TEAD1: variants seen among roughly 807,000 people sequenced by gnomAD.
The protein encoded by TEAD1 is transcriptional enhancer factor TEF-1.
TEAD1 carries 9 observed loss-of-function variants against 54.9 expected under a neutral mutation model. That is an observed-to-expected ratio of 0.16 (90% confidence interval 0.10 to 0.29). The LOEUF is 0.29. Among genes scored for constraint, TEAD1 ranks in the 10% least tolerant of loss-of-function variants. The pLI, the probability that TEAD1 is intolerant of heterozygous loss-of-function variation, is 1.00. For missense variants in TEAD1, 387 were observed against 535.9 expected (o/e 0.72, Z 2.74); for synonymous variants, 200 against 187.8 (o/e 1.07, Z -0.53).
intron 4 of TEAD1, among the ~76,000 whole-genome samples, chr11:12,863,513 A>C (rs1216917545): frequency 1.3e-5 from 2 of 152,194 alleles, no homozygotes; most frequent in Non-Finnish European, 2.9e-5. Flanking sequence ...AAAAAAAATA[A>C]TTGAATAATT....
At chr11:12,772,593 C>T (rs1945334714) in intron 3 of TEAD1, among the ~76,000 whole-genome samples, 1 of 152,174 alleles carries the variant, frequency 6.6e-6, no homozygotes, top group Non-Finnish European at 1.5e-5. Flanking sequence ...TGAGTATTAG[C>T]AGAGAGTATT....
At chr11:12,767,442 G>A (rs2133930042) in intron 3 of TEAD1, among the ~76,000 whole-genome samples, 2 of 152,298 alleles carry the variant, frequency 1.3e-5, no homozygotes, top group South Asian at 4.1e-4. Flanking sequence ...AAGGGTTATG[G>A]TTATTCCAAT....
chr11:12,829,730 CTCAG>C (rs1483882216), intron 3 of TEAD1, among the ~76,000 whole-genome samples: 1 of 152,166 alleles, frequency 6.6e-6, no homozygotes, highest in Non-Finnish European at 1.5e-5. Flanking sequence ...GCCCAGTGAA[CTCAG>C]TCAGGTGTTT....
chr11:12,811,967 G>C (rs554691131), intron 3 of TEAD1, among the ~76,000 whole-genome samples: 2 of 152,224 alleles, frequency 1.3e-5, no homozygotes, highest in East Asian at 3.9e-4. Flanking sequence ...GTCTCTTCCT[G>C]TTTTGCTTTA....
At chr11:12,903,650 G>A (rs936803608) in intron 10 of TEAD1, among the ~76,000 whole-genome samples, 1 of 152,030 alleles carries the variant, frequency 6.6e-6, no homozygotes, top group African/African-American at 2.4e-5. Context: ...CCCTGTCTAC[G>A]AAAAATACAA....
At chr11:12,778,319 G>A (rs1257951408) in intron 3 of TEAD1, among the ~76,000 whole-genome samples, 2 of 152,088 alleles carry the variant, frequency 1.3e-5, no homozygotes, top group Non-Finnish European at 2.9e-5. Context: ...TTTGGTTCCA[G>A]GTAAACAATA....
At chr11:12,683,892 G>T (rs1943276876) in intron 2 of TEAD1, among the ~76,000 whole-genome samples, 1 of 152,190 alleles carries the variant, frequency 6.6e-6, no homozygotes, top group South Asian at 2.1e-4. Flanking sequence ...CTACTTGCTA[G>T]TGTGGCCTTG....
chr11:12,693,334 A>G (rs994397690), intron 2 of TEAD1, among the ~76,000 whole-genome samples: 4 of 152,210 alleles, frequency 2.6e-5, no homozygotes, highest in African/African-American at 4.8e-5. Flanking sequence ...ATGAGTTCCA[A>G]TGCGAGTCCT....
chr11:12,762,935 G>A (rs1945130356), intron 2 of TEAD1, among the ~76,000 whole-genome samples: 1 of 152,154 alleles, frequency 6.6e-6, no homozygotes, highest in African/African-American at 2.4e-5. Flanking sequence ...AATACTGCCT[G>A]GATTTGATGG....
At chr11:12,852,782 G>A (rs979053804) in intron 3 of TEAD1, among the ~76,000 whole-genome samples, 2 of 152,098 alleles carry the variant, frequency 1.3e-5, no homozygotes, top group African/African-American at 4.8e-5. Context: ...AAGTGTATGG[G>A]ATACCAAGAT....
chr11:12,872,926 A>G (rs931155950), intron 5 of TEAD1, among the ~76,000 whole-genome samples: 3 of 152,204 alleles, frequency 2.0e-5, no homozygotes, highest in African/African-American at 7.2e-5. Flanking sequence ...AGTCCTGAAC[A>G]AAAGTGTTTT....
intron 2 of TEAD1, among the ~76,000 whole-genome samples, chr11:12,717,026 C>G (rs988776915): frequency 5.3e-4 from 81 of 152,322 alleles, no homozygotes; most frequent in African/African-American, 1.9e-3. Flanking sequence ...TGGGTACCAA[C>G]TCACATACCA....
chr11:12,682,988 G>A (rs1943255373), intron 2 of TEAD1, among the ~76,000 whole-genome samples: 1 of 152,156 alleles, frequency 6.6e-6, no homozygotes, highest in African/African-American at 2.4e-5. Context: ...CAAAGCCTGT[G>A]GAGTGAATGC....
At chr11:12,821,044 C>G (rs1228332793) in intron 3 of TEAD1, among the ~76,000 whole-genome samples, 1 of 152,170 alleles carries the variant, frequency 6.6e-6, no homozygotes, top group Non-Finnish European at 1.5e-5. Flanking sequence ...TGTTCACCAG[C>G]CTGTCTGCCC....
intron 12 of TEAD1, among the ~76,000 whole-genome samples, chr11:12,934,721 G>A (rs17503615): frequency 0.05 from 7,673 of 152,146 alleles, 283 homozygotes; most frequent in Admixed American, 0.099. Context: ...GCTCAAGTCT[G>A]CACTTTCTAC....
chr11:12,895,665 A>T (rs889089029), intron 9 of TEAD1, among the ~76,000 whole-genome samples: 2 of 152,350 alleles, frequency 1.3e-5, no homozygotes, highest in East Asian at 3.9e-4. Flanking sequence ...TGGTTTATTT[A>T]ATAAAATAAT....
chr11:12,681,355 C>T (rs116587873), intron 2 of TEAD1, among the ~76,000 whole-genome samples: 2,271 of 152,266 alleles, frequency 0.015, 57 homozygotes, highest in African/African-American at 0.052. Flanking sequence ...GAATACCTCC[C>T]TCATTTCCTT....
chr11:12,903,405 G>C (rs1179041311), intron 10 of TEAD1, among the ~76,000 whole-genome samples: 2 of 152,158 alleles, frequency 1.3e-5, no homozygotes, highest in African/African-American at 4.8e-5. Context: ...ATGAATTAAA[G>C]AAAAATTTAT....
chr11:12,846,634 C>T (rs1467093231), intron 3 of TEAD1, among the ~76,000 whole-genome samples: 1 of 152,122 alleles, frequency 6.6e-6, no homozygotes, highest in African/African-American at 2.4e-5. Context: ...GTTAGCATGT[C>T]TGACTTCCGT....
Sources: allele counts gnomAD v4.1 joint callset (sites outside exome capture counted in the v4.1 genomes callset), GRCh38; gene constraint gnomAD v4.1.1; transcripts MANE v1.5; gene names NCBI Gene and HGNC (gene_info 2026-07-23, HGNC 2026-07-21).